Variants in RALB observed in about 807,000 individuals in gnomAD.
RALB encodes ras-related protein Ral-B.
In RALB, 16 loss-of-function variants were observed where a neutral mutation model predicts 21.3. The ratio of observed to expected loss-of-function variants is 0.75; its 90% CI spans 0.51 to 1.14. The LOEUF (loss-of-function observed/expected upper bound fraction) is 1.14, where lower values mean the gene tolerates loss of function less well. Ranked by LOEUF, RALB falls within the 50% of genes most tolerant of loss-of-function variation. The pLI, the probability that RALB is intolerant of heterozygous loss-of-function variation, is 0.00. For missense variants in RALB, 161 were observed against 256.2 expected, an observed-to-expected ratio of 0.63 and a Z score of 2.54; for synonymous variants, 93 against 96.1, an observed-to-expected ratio of 0.97 and a Z score of 0.19.
intron 1 of RALB, among the ~76,000 whole-genome samples, chr2:120,243,624 G>T (rs1043757448): frequency 2.0e-5 from 3 of 152,146 alleles, no homozygotes; most frequent in African/African-American, 7.2e-5. Context: ...CAGCAGCTGG[G>T]GGATTTGATG....
intron 2 of RALB, among the ~76,000 whole-genome samples, chr2:120,281,409 C>T (rs923273985): frequency 3.3e-5 from 5 of 152,156 alleles, no homozygotes; most frequent in African/African-American, 9.7e-5. Context: ...GGGGTGAGAT[C>T]GCTGGAGTAC....
intron 1 of RALB, among the ~76,000 whole-genome samples, chr2:120,268,319 C>CA (rs35223298): frequency 0.52 from 78,436 of 151,990 alleles, 20,844 homozygotes; most frequent in Middle Eastern, 0.71. Context: ...CTTCCTGTAG[C>CA]ATAGTTTTTC....
chr2:120,278,552 A>G, intron 1 of RALB, 66 bp from the exon 2 acceptor site: 1 of 1,319,304 alleles, frequency 7.6e-7, no homozygotes, highest in Non-Finnish European at 9.8e-7. Context: ...GAGGATGTGA[A>G]TGACATTTGG....
chr2:120,241,629 G>A (rs1688896287), intron 1 of RALB, among the ~76,000 whole-genome samples: 1 of 152,184 alleles, frequency 6.6e-6, no homozygotes, highest in South Asian at 2.1e-4. Context: ...GGCAGGCTGA[G>A]GCAGGAGAAT....
intron 1 of RALB, chr2:120,253,719 G>T (rs1489920070): frequency 2.0e-6 from 2 of 985,346 alleles, no homozygotes; most frequent in African/African-American, 1.7e-5. Flanking sequence ...TGGAACTTTG[G>T]TGTTCTTATC....
chr2:120,278,036 CGTGAGTGTGTGTGAATGTGAGCGT>C (rs1238896637), intron 1 of RALB, among the ~76,000 whole-genome samples: 2 of 142,472 alleles, frequency 1.4e-5, no homozygotes, highest in Non-Finnish European at 3.1e-5. Flanking sequence ...AATGTGAGAG[CGTGAGTGTGTGTGAATGTGAGCGT>C]GTGTGAGTGT....
chr2:120,253,766 G>T, intron 1 of RALB: 1 of 960,206 alleles, frequency 1.0e-6, no homozygotes, highest in Non-Finnish European at 1.2e-6. Context: ...TGTGCCTGGC[G>T]GACTGAATGA....
intron 4 of RALB, among the ~76,000 whole-genome samples, chr2:120,290,966 A>G (rs1267689664): frequency 1.3e-5 from 2 of 152,222 alleles, no homozygotes; most frequent in Non-Finnish European, 2.9e-5. Flanking sequence ...GTTCTGCAGC[A>G]TCAGCATCTG....
chr2:120,277,650 G>T (rs1689849179), intron 1 of RALB, among the ~76,000 whole-genome samples: 1 of 138,902 alleles, frequency 7.2e-6, no homozygotes, highest in Admixed American at 7.7e-5. Flanking sequence ...GCACAAATTT[G>T]AAAGTGTTGT....
intron 1 of RALB, among the ~76,000 whole-genome samples, chr2:120,241,155 G>A (rs541441854): frequency 1.3e-5 from 2 of 152,324 alleles, no homozygotes; most frequent in East Asian, 3.9e-4. Flanking sequence ...CTGGGCCCCT[G>A]CCTCCCACTC....
intron 4 of RALB, among the ~76,000 whole-genome samples, chr2:120,290,840 A>G (rs1219566329): frequency 6.6e-6 from 1 of 152,194 alleles, no homozygotes; most frequent in Admixed American, 6.5e-5. Context: ...GCTGTGCCTT[A>G]AAGATGAGGC....
chr2:120,252,152 G>A (rs1476718813), upstream of RALB, among the ~76,000 whole-genome samples: 1 of 151,548 alleles, frequency 6.6e-6, no homozygotes, highest in East Asian at 1.9e-4. Flanking sequence ...TGGTTAGGAA[G>A]GAAAATCCAC....
chr2:120,277,928 C>T (rs887329477), intron 1 of RALB, among the ~76,000 whole-genome samples: 1 of 91,672 alleles, frequency 1.1e-5, no homozygotes, highest in South Asian at 3.4e-4. Flanking sequence ...TTAATGTGAG[C>T]GTGTGTGAGC....
chr2:120,245,131 G>T (rs142015585), intron 1 of RALB, among the ~76,000 whole-genome samples: 1 of 152,254 alleles, frequency 6.6e-6, no homozygotes, highest in Non-Finnish European at 1.5e-5. Flanking sequence ...GCATGGGCTC[G>T]TTGACTGACT....
At chr2:120,259,787 G>A (rs6739389) in intron 1 of RALB, among the ~76,000 whole-genome samples, 2,648 of 152,368 alleles carry the variant, frequency 0.017, 81 homozygotes, top group African/African-American at 0.061. Flanking sequence ...GGGACTGGGC[G>A]CCGTGGAGCA....
At chr2:120,288,279 CTTT>C (rs1690215798) in intron 3 of RALB, among the ~76,000 whole-genome samples, 1 of 143,638 alleles carries the variant, frequency 7.0e-6, no homozygotes, top group Non-Finnish European at 1.5e-5. Context: ...ATCTTTTCAT[CTTT>C]TTTAGTTTGT....
At chr2:120,279,073 C>T (rs1689919631) in intron 2 of RALB, among the ~76,000 whole-genome samples, 2 of 152,170 alleles carry the variant, frequency 1.3e-5, no homozygotes, top group African/African-American at 4.8e-5. Context: ...AGAGAGGAGC[C>T]TTTGTACAGA....
At chr2:120,240,250 C>G (rs1688869779) in intron 1 of RALB, 7 of 785,784 alleles carry the variant, frequency 8.9e-6, no homozygotes, top group South Asian at 8.0e-5. Context: ...TGGGGTCACA[C>G]AGCATGTACT....
At chr2:120,240,144 T>C (rs151038796) in intron 1 of RALB, 10 of 1,289,674 alleles carry the variant, frequency 7.8e-6, no homozygotes, top group Middle Eastern at 2.1e-4. Context: ...CCGCCCTCGG[T>C]GTGGATTGCA....
Sources: allele counts gnomAD v4.1 joint callset (sites outside exome capture counted in the v4.1 genomes callset), GRCh38; gene constraint gnomAD v4.1.1; transcripts MANE v1.5; gene names NCBI Gene and HGNC (gene_info 2026-07-23, HGNC 2026-07-21).